The following PARD3B variants were observed in gnomAD, a reference collection of about 807,000 sequenced individuals.
PARD3B encodes partitioning defective 3 homolog B.
In PARD3B, 103 loss-of-function variants were observed where a neutral mutation model predicts 130.2. That is an observed-to-expected ratio of 0.79 (90% confidence interval 0.67 to 0.93). The LOEUF is 0.93. Ranked by LOEUF, PARD3B falls within the 40% of genes least tolerant of loss-of-function variation. PARD3B has a pLI of 0.00. For missense variants in PARD3B, 1,609 were observed against 1,499.2 expected, an observed-to-expected ratio of 1.07 and a Z score of -1.21; for synonymous variants, 583 against 553.2, an observed-to-expected ratio of 1.05 and a Z score of -0.76.
chr2:205,521,221 A>G (rs774852363), intron 21 of PARD3B, among the ~76,000 whole-genome samples: 4 of 151,914 alleles, frequency 2.6e-5, no homozygotes, highest in Admixed American at 2.6e-4. Context: ...GCAAATATCA[A>G]TTATGTTGTT....
In PARD3B at chr2:205,550,986, C is replaced by T. The variant is rs200729119; in HGVS notation, c.3181-2338C>T. On this transcript the variant is annotated intron_variant, in intron 21 of 22. Coordinates refer to ENST00000406610, the MANE Select transcript of PARD3B (RefSeq NM_001302769.2). This position sits in a 1 kb window ranked among gnomAD's most constrained non-coding sequence, Gnocchi z 4.5. ...ATATATATATATATATACACACACACACACACACACACACACATAATCTGT... is the reference window on the plus strand; with the variant it reads ...ATATATATATATATATACACACACATACACACACACACACACATAATCTGT... 0.28 allele frequency among the ~76,000 whole-genome samples: 25,545 copies of T among 91,806 alleles called. 3,107 individuals are homozygous for T. Among genetic ancestry groups the T allele is most frequent in the Middle Eastern group, 0.41 (66 of 160 alleles). The allele number at this position is 91,806 out of a possible 152,430, so 60.2% of individuals were successfully genotyped here.
intron 3 of PARD3B, among the ~76,000 whole-genome samples, chr2:205,009,758 T>C (rs1695569077): frequency 6.6e-6 from 1 of 152,172 alleles, no homozygotes; most frequent in Non-Finnish European, 1.5e-5. Flanking sequence ...TATTGTAACA[T>C]CTTTTTTGTT....
intron 12 of PARD3B, among the ~76,000 whole-genome samples, chr2:205,173,440 G>A (rs1170506241): frequency 6.6e-6 from 1 of 152,154 alleles, no homozygotes; most frequent in Admixed American, 6.5e-5. Flanking sequence ...GACAGATATT[G>A]CTGTCTGTTT....
intron 3 of PARD3B, among the ~76,000 whole-genome samples, chr2:205,027,305 A>G (rs1035598346): frequency 5.9e-5 from 9 of 152,052 alleles, no homozygotes; most frequent in African/African-American, 2.2e-4. Context: ...CATTTCTCTG[A>G]TGATTAGTGA....
At chr2:204,643,082 C>G (rs2035141405) in intron 1 of PARD3B, among the ~76,000 whole-genome samples, 1 of 121,532 alleles carries the variant, frequency 8.2e-6, no homozygotes, top group African/African-American at 3.0e-5. Flanking sequence ...CCACCGCACT[C>G]CAGCCTGGGC....
At chr2:205,497,582 A>C (rs2049981340) in intron 20 of PARD3B, among the ~76,000 whole-genome samples, 1 of 151,970 alleles carries the variant, frequency 6.6e-6, no homozygotes, top group African/African-American at 2.4e-5. Context: ...TCTTTTTGAC[A>C]TGCAAAGCTC....
rs567341615 is a variant in PARD3B at position 205,558,030 on chromosome 2, G to A, written c.3260+4627G>A. On this transcript the variant is annotated intron_variant, in intron 22 of 22. Transcript: ENST00000406610. The surrounding 1 kb of genome is among the most constrained non-coding windows in gnomAD (Gnocchi z 4.8). ...ACTCACTGAAGCTGAAGGATTCGCC[G>A]ACTCAGGAAAGACCAGTGGTCTGGA... is the stretch of plus-strand genomic sequence containing the variant. Among the ~76,000 whole-genome samples, 5 of 152,260 alleles carry A rather than the reference G, an allele frequency of 3.3e-5. No individual in the cohort carries two copies. Among genetic ancestry groups the A allele is most frequent in the South Asian group, 2.1e-4 (1 of 4,822 alleles).
intron 13 of PARD3B, among the ~76,000 whole-genome samples, chr2:205,179,370 A>G (rs2035661926): frequency 6.7e-6 from 1 of 148,554 alleles, no homozygotes; most frequent in South Asian, 2.1e-4. Context: ...AGTGTACAGT[A>G]GTGTTTTAGG....
intron 10 of PARD3B, among the ~76,000 whole-genome samples, chr2:205,133,329 A>G (rs1470764564): frequency 1.3e-5 from 2 of 152,160 alleles, no homozygotes; most frequent in African/African-American, 4.8e-5. Context: ...TTTGGGCTGC[A>G]ATAATTTGTT....
At chr2:205,297,175 T>C (rs556578735) in intron 16 of PARD3B, among the ~76,000 whole-genome samples, 257 of 152,258 alleles carry the variant, frequency 1.7e-3, no homozygotes, top group Non-Finnish European at 2.1e-3. Context: ...TATTTTAGGA[T>C]AACTTCAATG....
At chr2:204,841,121 C>T (rs1009577881) in intron 2 of PARD3B, among the ~76,000 whole-genome samples, 2 of 152,100 alleles carry the variant, frequency 1.3e-5, no homozygotes, top group African/African-American at 4.8e-5. Flanking sequence ...TTCTGCAACT[C>T]GGTTTTCTTA....
intron 15 of PARD3B, among the ~76,000 whole-genome samples, chr2:205,239,662 A>G (rs1454032217): frequency 1.3e-5 from 2 of 152,244 alleles, no homozygotes; most frequent in East Asian, 1.9e-4. Context: ...GGAATTTTAA[A>G]GAGATCACTG....
At chr2:204,985,231 A>G (rs935193847) in intron 3 of PARD3B, among the ~76,000 whole-genome samples, 21 of 150,618 alleles carry the variant, frequency 1.4e-4, no homozygotes, top group Non-Finnish European at 3.0e-4. Context: ...ATCTCTCTCT[A>G]CTTTCCTTCC....
In PARD3B at chr2:205,224,370, C is replaced by CAA. The variant is rs1231030778; in HGVS notation, c.2141-21391_2141-21390dup. Reference sequence around the variant, plus strand: ...TGGGCCACAGAGCGAGACTCCGTCTCAAAAAAAAAAAAAAAAAAGAAAGAA... The same window carrying CAA: ...TGGGCCACAGAGCGAGACTCCGTCTCAAAAAAAAAAAAAAAAAAAAGAAAGAA... On this transcript the variant is annotated intron_variant, in intron 15 of 22. Transcript: ENST00000406610. Among the ~76,000 whole-genome samples, 61 of 55,986 alleles carry CAA rather than the reference C, an allele frequency of 1.1e-3. 6 individuals are homozygous for CAA. The highest frequency in any genetic ancestry group is 7.2e-3 in the East Asian group (9 of 1,246). The allele number at this position is 55,986 out of a possible 152,430, so 36.7% of individuals were successfully genotyped here. A position where few individuals can be genotyped will look rare whatever the true frequency, so the allele number is the denominator to read the frequency against.
At position 204,675,088 on chromosome 2, in the gene PARD3B, T is replaced by C. The variant is rs2125217970; in HGVS notation, c.121-11093T>C. ...AATTCCTCTGGACCACACAAGTTTC[T>C]AAAACCTTGGCATCCAGGGCTTTGG... On this transcript the variant is annotated intron_variant, in intron 1 of 22. Coordinates refer to ENST00000406610, the MANE Select transcript of PARD3B (RefSeq NM_001302769.2). The surrounding 1 kb of genome is among the most constrained non-coding windows in gnomAD (Gnocchi z 4.4). 6.6e-6 allele frequency among the ~76,000 whole-genome samples: 1 copy of C among 152,294 alleles called. No homozygotes were observed. Among genetic ancestry groups the C allele is most frequent in the East Asian group, 1.9e-4 (1 of 5,180 alleles).
At chr2:205,159,679 A>T (rs1250627599) in intron 11 of PARD3B, among the ~76,000 whole-genome samples, 1 of 152,208 alleles carries the variant, frequency 6.6e-6, no homozygotes, top group Non-Finnish European at 1.5e-5. Context: ...GTGATGATAG[A>T]GGAAGGATAC....
intron 19 of PARD3B, among the ~76,000 whole-genome samples, chr2:205,430,156 T>C (rs999318018): frequency 6.6e-6 from 1 of 152,196 alleles, no homozygotes. Flanking sequence ...TTTCCCTCGA[T>C]ATATAAGTGA....
At position 204,643,115 on chromosome 2, in the gene PARD3B, C is replaced by CAAAAAAAAA. The variant is rs71029202; in HGVS notation, c.121-43053_121-43045dup. Among the ~76,000 whole-genome samples, 12 of 31,810 alleles carry CAAAAAAAAA rather than the reference C, an allele frequency of 3.8e-4. 1 individual carries two copies. Among genetic ancestry groups the CAAAAAAAAA allele is most frequent in the African/African-American group, 8.8e-4 (9 of 10,190 alleles). The allele number at this position is 31,810 out of a possible 152,430, so 20.9% of individuals were successfully genotyped here. A position where few individuals can be genotyped will look rare whatever the true frequency, so the allele number is the denominator to read the frequency against. Reference sequence around the variant, plus strand: ...GGCGACAGAGGGAGACTCTGTCTCACAAAAAAAAAAAAAAAAAAAAATGTT... The same window carrying CAAAAAAAAA: ...GGCGACAGAGGGAGACTCTGTCTCACAAAAAAAAAAAAAAAAAAAAAAAAAAAAAATGTT... On this transcript the variant is annotated intron_variant, in intron 1 of 22. Transcript: ENST00000406610.
At chr2:204,954,037 C>T (rs989001200) in intron 2 of PARD3B, among the ~76,000 whole-genome samples, 4 of 152,106 alleles carry the variant, frequency 2.6e-5, no homozygotes, top group South Asian at 2.1e-4. Flanking sequence ...CCCCAGTTAG[C>T]GAGGCATCAT....
Sources: allele counts gnomAD v4.1 joint callset (sites outside exome capture counted in the v4.1 genomes callset), GRCh38; gene constraint gnomAD v4.1.1; non-coding constraint Gnocchi (gnomAD v3.1); transcripts MANE v1.5; gene names NCBI Gene and HGNC (gene_info 2026-07-23, HGNC 2026-07-21).